MTCL3: variants seen among roughly 807,000 people sequenced by gnomAD.
The protein encoded by MTCL3 is microtubule cross-linking factor 3.
At chr6:127,484,475 CA>C in the MTCL3 span, among the ~76,000 whole-genome samples, 1 of 152,048 alleles carries the variant, frequency 6.6e-6, no homozygotes, top group Non-Finnish European at 1.5e-5. Flanking sequence ...CCAAGAATAC[CA>C]AGAATAAAGT....
the MTCL3 span, among the ~76,000 whole-genome samples, chr6:127,513,326 T>TGCTGG: frequency 6.6e-6 from 1 of 152,222 alleles, no homozygotes; most frequent in African/African-American, 2.4e-5. Context: ...GAGTAGACAC[T>TGCTGG]GCTGGGCTAA....
the MTCL3 span, among the ~76,000 whole-genome samples, chr6:127,487,084 C>T: frequency 6.6e-6 from 1 of 152,156 alleles, no homozygotes; most frequent in Non-Finnish European, 1.5e-5. Context: ...TGTATCTACT[C>T]ATTCAGACTG....
chr6:127,475,348 T>A, the MTCL3 span: 3 of 1,613,070 alleles, frequency 1.9e-6, no homozygotes, highest in Non-Finnish European at 2.5e-6. The surrounding 1 kb of genome is among the most constrained non-coding windows in gnomAD (Gnocchi z 7.3). Flanking sequence ...CTTGGGCACC[T>A]CGAGGCGGTC....
chr6:127,492,356 A>G, the MTCL3 span, among the ~76,000 whole-genome samples: 1 of 152,216 alleles, frequency 6.6e-6, no homozygotes, highest in Non-Finnish European at 1.5e-5. Flanking sequence ...AATTTAGTTC[A>G]GATTTATAAA....
chr6:127,475,263 C>T, the MTCL3 span: 1 of 1,553,586 alleles, frequency 6.4e-7, no homozygotes, highest in Non-Finnish European at 8.7e-7. This position sits in a 1 kb window ranked among gnomAD's most constrained non-coding sequence, Gnocchi z 7.3. Context: ...GCCTGGCCAC[C>T]GCCGTGGCTC....
At chr6:127,496,299 T>C in the MTCL3 span, among the ~76,000 whole-genome samples, 1 of 152,262 alleles carries the variant, frequency 6.6e-6, no homozygotes, top group Non-Finnish European at 1.5e-5. Flanking sequence ...CATTTACTTC[T>C]GATTAAAATA....
At chr6:127,474,312 C>G in the MTCL3 span, among the ~76,000 whole-genome samples, 2 of 152,116 alleles carry the variant, frequency 1.3e-5, no homozygotes, top group African/African-American at 4.8e-5. Flanking sequence ...GAGTCTCACT[C>G]TGTCGCCTAG....
chr6:127,497,849 G>C, the MTCL3 span, among the ~76,000 whole-genome samples: 1 of 152,188 alleles, frequency 6.6e-6, no homozygotes, highest in South Asian at 2.1e-4. Context: ...ATGAGGAAAG[G>C]ATAGTCTTTT....
the MTCL3 span, among the ~76,000 whole-genome samples, chr6:127,483,547 T>A: frequency 6.6e-6 from 1 of 152,132 alleles, no homozygotes; most frequent in Non-Finnish European, 1.5e-5. Flanking sequence ...AAGAAACAGG[T>A]GGACCAGCCA....
chr6:127,509,418 T>G, the MTCL3 span, among the ~76,000 whole-genome samples: 4 of 152,158 alleles, frequency 2.6e-5, no homozygotes, highest in Non-Finnish European at 5.9e-5. Context: ...TTGAAGCTAA[T>G]TAAATTTTTA....
At chr6:127,488,586 C>T in the MTCL3 span, among the ~76,000 whole-genome samples, 1 of 152,118 alleles carries the variant, frequency 6.6e-6, no homozygotes, top group East Asian at 1.9e-4. Context: ...TACTAAAAGT[C>T]AATAAATGAT....
the MTCL3 span, among the ~76,000 whole-genome samples, chr6:127,479,305 T>C: frequency 6.6e-6 from 1 of 152,196 alleles, no homozygotes; most frequent in African/African-American, 2.4e-5. Flanking sequence ...CATCTTGGTT[T>C]TGGTGAGTTT....
chr6:127,495,159 T>C, the MTCL3 span, among the ~76,000 whole-genome samples: 724 of 150,536 alleles, frequency 4.8e-3, 5 homozygotes, highest in African/African-American at 0.016. Flanking sequence ...ATCAAGCCCC[T>C]GCACTCCAGC....
the MTCL3 span, among the ~76,000 whole-genome samples, chr6:127,498,136 A>G: frequency 1.3e-5 from 2 of 152,240 alleles, no homozygotes. Context: ...TTCAAAAGAC[A>G]CTATTAAGAA....
the MTCL3 span, chr6:127,475,604 T>C: frequency 3.1e-6 from 5 of 1,602,440 alleles, no homozygotes; most frequent in Non-Finnish European, 3.4e-6. The surrounding 1 kb of genome is among the most constrained non-coding windows in gnomAD (Gnocchi z 7.3). Context: ...TCGGAGAAGC[T>C]CTTGGGCCAG....
chr6:127,506,134 G>T, the MTCL3 span, among the ~76,000 whole-genome samples: 42 of 152,226 alleles, frequency 2.8e-4, no homozygotes, highest in Admixed American at 1.4e-3. Flanking sequence ...TCCATTATTC[G>T]TGTACTTTCT....
the MTCL3 span, chr6:127,515,538 C>T: frequency 6.8e-7 from 1 of 1,460,440 alleles, no homozygotes; most frequent in South Asian, 1.5e-5. The surrounding 1 kb of genome is among the most constrained non-coding windows in gnomAD (Gnocchi z 4.3). Context: ...TTTCCTCTCG[C>T]AGCTTCTCCA....
chr6:127,476,569 TC>T, the MTCL3 span: 1 of 951,576 alleles, frequency 1.1e-6, no homozygotes, highest in Non-Finnish European at 1.5e-6. The surrounding 1 kb of genome is among the most constrained non-coding windows in gnomAD (Gnocchi z 4.4). Flanking sequence ...TTTCTTGCAA[TC>T]CAGATTTAAT....
chr6:127,501,080 G>A, the MTCL3 span, among the ~76,000 whole-genome samples: 3 of 152,204 alleles, frequency 2.0e-5, no homozygotes, highest in Non-Finnish European at 2.9e-5. Flanking sequence ...CCAAAGTGTT[G>A]GGATTACAGG....
Sources: gnomAD v4.1 joint callset for allele counts (sites outside exome capture counted in the v4.1 genomes callset) on GRCh38, gnomAD v4.1.1 for gene constraint, Gnocchi (gnomAD v3.1) non-coding constraint, MANE v1.5 for transcripts, NCBI Gene and HGNC (gene_info 2026-07-23, HGNC 2026-07-21) for gene names.